Variants in ZBP1 observed in about 807,000 individuals in gnomAD.
ZBP1 encodes Z-DNA binding protein 1.
Under a neutral mutation model 41.1 loss-of-function variants are expected in ZBP1, and 42 were observed. That is an observed-to-expected ratio of 1.02 (90% CI 0.80 to 1.32). ZBP1 has a LOEUF of 1.32. Among genes scored for constraint, ZBP1 ranks in the 40% most tolerant of loss-of-function variants. The pLI, the probability that ZBP1 is intolerant of heterozygous loss-of-function variation, is 0.00. For missense variants in ZBP1, 562 were observed against 549.7 expected, an observed-to-expected ratio of 1.02 and a Z score of -0.22; for synonymous variants, 214 against 205.2, an observed-to-expected ratio of 1.04 and a Z score of -0.37.
Position 57,615,534 on chromosome 20 carries a change from G to C in ZBP1, c.306C>G (p.Gly102=), listed in dbSNP as rs768967507. ...TACCCCGTTGTTGGCTGAACTGAGG[G>C]CCAGGGGTCTCTGGAATTGTAGCTG... ...QHAATIPETP[G]PQFSQQREED... is the part of the protein sequence containing the mutation. The change falls in exon 3 of 8, where the codon GGC becomes GGG. Residue 102 remains glycine, a synonymous_variant. Coordinates refer to ENST00000371173, the MANE Select transcript of ZBP1 (RefSeq NM_030776.3). 2 of 1,613,420 alleles carry C rather than the reference G, an allele frequency of 1.2e-6. No homozygotes were observed.
intron 2 of ZBP1, chr20:57,615,790 C>A: frequency 1.8e-6 from 1 of 560,278 alleles, no homozygotes; most frequent in Non-Finnish European, 3.1e-6. Flanking sequence ...GCTCAGCCTC[C>A]TTTGCCTCCT....
intron 1 of ZBP1, 129 bp downstream of exon 1, chr20:57,620,133 G>A (rs1276901913): frequency 1.7e-6 from 2 of 1,168,498 alleles, no homozygotes; most frequent in Non-Finnish European, 2.5e-6. Flanking sequence ...ACCACGCCCA[G>A]CTGGTCTACT....
At position 57,613,210 on chromosome 20, in the gene ZBP1, A is replaced by T; in HGVS notation, c.623T>A (p.Ile208Asn). The T allele has an allele frequency of 6.2e-7, 1 of 1,614,214 alleles. No individual in the cohort carries two copies. The highest frequency in any genetic ancestry group is 8.5e-7 in the Non-Finnish European group (1 of 1,180,046). The change falls in exon 5 of 8, where the codon ATT (isoleucine) becomes AAT (asparagine). Residue 208 changes from isoleucine (I) to asparagine (N), a missense_variant. Coordinates refer to ENST00000371173, the MANE Select transcript of ZBP1 (RefSeq NM_030776.3). The surrounding 1 kb of genome is among the most constrained non-coding windows in gnomAD (Gnocchi z 4.5). ...ISIANSEAIQ[I>N]GHGNIITRQT... Reference sequence around the variant, plus strand: ...TCTTGTAATGATGTTCCCGTGTCCAATCTGGATGGCTTCGGAGTTTGCAAT... The same window carrying T: ...TCTTGTAATGATGTTCCCGTGTCCATTCTGGATGGCTTCGGAGTTTGCAAT...
At chr20:57,608,863 G>A (rs1047253056) in intron 7 of ZBP1, among the ~76,000 whole-genome samples, 3 of 152,244 alleles carry the variant, frequency 2.0e-5, no homozygotes, top group Admixed American at 6.5e-5. Context: ...GGTGGATGCC[G>A]GCCAGTCCTC....
intron 6 of ZBP1, among the ~76,000 whole-genome samples, chr20:57,611,384 A>ACAGG (rs1157418040): frequency 1.4e-5 from 2 of 147,452 alleles, no homozygotes; most frequent in Non-Finnish European, 3.0e-5. Flanking sequence ...GGCTAGGACT[A>ACAGG]CAGGCGCAAG....
Position 57,613,280 on chromosome 20 carries a change from G to C in ZBP1, c.553C>G (p.Pro185Ala). 1 of 1,614,232 alleles carries C rather than the reference G, an allele frequency of 6.2e-7. No homozygotes were observed. The highest frequency in any genetic ancestry group is 8.5e-7 in the Non-Finnish European group (1 of 1,180,048). The change falls in exon 5 of 8, where the codon CCA becomes GCA. Residue 185 changes from proline (P) to alanine (A), a missense_variant. Pro to Ala is a conservative substitution (Grantham distance 27). Transcript: ENST00000371173. The surrounding 1 kb of genome is among the most constrained non-coding windows in gnomAD (Gnocchi z 4.5). ...KSASIIYQHN[P>A]INMICQNGPN... ...CCATTCTGGCAGATCATGTTGATTG[G>C]ATTGTGCTGGTAAATAATTGAGGCT...
chr20:57,620,275 G>A lies in ZBP1; in HGVS notation c.21C>T (p.Asp7=). The part of the protein sequence containing the change: MAQAPA[D]PGREGHLEQR... The stretch of plus-strand genomic sequence containing the variant: ...GAAGTACTGTACCTTCTCTGCCCGG[G>A]TCAGCAGGAGCCTGGGCCATGCTGA... Residue 7 remains aspartate (D), a synonymous_variant, in exon 1 of 8, where the codon GAC becomes GAT. Coordinates refer to ENST00000371173, the MANE Select transcript of ZBP1 (RefSeq NM_030776.3). 1 of 1,596,688 alleles carries A rather than the reference G, an allele frequency of 6.3e-7. No individual in the cohort carries two copies. Among genetic ancestry groups the A allele is most frequent in the South Asian group, 1.1e-5 (1 of 88,000 alleles).
chr20:57,605,106 A>C lies in ZBP1; in HGVS notation c.1094-337T>G, dbSNP rs571154593. On this transcript the variant is annotated intron_variant, in intron 7 of 7. Transcript: ENST00000371173. ...ACAGTCTCTGATTAGCAATTTCCTC[A>C]AACAAAACAAAACAAAACAAAACAA... 2.2e-3 allele frequency among the ~76,000 whole-genome samples: 152 copies of C among 68,014 alleles called. 1 individual carries two copies. The highest frequency in any genetic ancestry group is 5.3e-3 in the African/African-American group (143 of 27,126). The allele number at this position is 68,014 out of a possible 152,430, so 44.6% of individuals were successfully genotyped here.
chr20:57,611,378 A>G (rs2070662558), intron 6 of ZBP1, among the ~76,000 whole-genome samples: 1 of 147,496 alleles, frequency 6.8e-6, no homozygotes, highest in African/African-American at 2.5e-5. Flanking sequence ...CCGAGTGGCT[A>G]GGACTACAGG....
chr20:57,615,159 G>T, intron 3 of ZBP1, 99 bp from the exon 4 acceptor site: 6 of 1,343,578 alleles, frequency 4.5e-6, no homozygotes, highest in South Asian at 1.3e-5. Flanking sequence ...GCCCCTCAAG[G>T]CCTGGTTTCC....
At chr20:57,608,127 A>T (rs1600725689) in intron 7 of ZBP1, among the ~76,000 whole-genome samples, 2 of 146,608 alleles carry the variant, frequency 1.4e-5, no homozygotes, top group South Asian at 2.2e-4. Flanking sequence ...GAGTGTGACC[A>T]TTTTTTTTTT....
rs573141830 is a variant in ZBP1, at chr20:57,620,237, T to C, written c.34+25A>G. On this transcript the variant is annotated intron_variant, in intron 1 of 7. Transcript: ENST00000371173. Reference sequence around the variant, plus strand: ...ATCTCACCCCGGGAGCTACCGCTGGTCCTTGGAAGGAAGAAGTACTGTACC... The same window carrying C: ...ATCTCACCCCGGGAGCTACCGCTGGCCCTTGGAAGGAAGAAGTACTGTACC... The C allele has an allele frequency of 7.6e-6, 12 of 1,576,380 alleles. No individual in the cohort carries two copies. The African/African-American group carries it at 1.6e-4, about 21-fold the overall frequency.
At chr20:57,605,124 CA>C (rs2070463331) in intron 7 of ZBP1, among the ~76,000 whole-genome samples, 1 of 152,036 alleles carries the variant, frequency 6.6e-6, no homozygotes, top group Non-Finnish European at 1.5e-5. Flanking sequence ...CAAAACAAAA[CA>C]AAACAAAACA....
At chr20:57,616,054 C>T in intron 2 of ZBP1, 190 bp downstream of exon 2, 1 of 631,092 alleles carries the variant, frequency 1.6e-6, no homozygotes, top group East Asian at 2.7e-5. Flanking sequence ...GGCCTCCTCT[C>T]AGCAACCCCT....
chr20:57,617,323 T>C (rs1159613764), intron 1 of ZBP1: 1 of 152,594 alleles, frequency 6.6e-6, no homozygotes, highest in Non-Finnish European at 1.5e-5. Context: ...CCAACCTGTA[T>C]GATGTCTACT....
In ZBP1 at chr20:57,614,954, G is replaced by A. The variant is rs1453023082; in HGVS notation, c.435C>T (p.Tyr145=). 2 of 1,614,080 alleles carry A rather than the reference G, an allele frequency of 1.2e-6. No homozygotes were observed. Among genetic ancestry groups the A allele is most frequent in the Non-Finnish European group, 1.7e-6 (2 of 1,180,056 alleles). The change falls in exon 4 of 8, where the codon TAC becomes TAT. Residue 145 remains tyrosine (Y), a synonymous_variant. Coordinates refer to ENST00000371173, the MANE Select transcript of ZBP1 (RefSeq NM_030776.3). ...CCAGAAGGTGCCTGCTCTTCATCCT[G>A]TACAAGTCTCGGTTCACATCTTTTG... The part of the protein sequence containing the change: ...RTAKDVNRDL[Y]RMKSRHLLDM...
Position 57,611,792 on chromosome 20 carries a change from TTGC to T in ZBP1, c.806_808del (p.Ser269del). The T allele has an allele frequency of 1.2e-6, 2 of 1,612,882 alleles. No homozygotes were observed. Among genetic ancestry groups the T allele is most frequent in the Non-Finnish European group, 8.5e-7 (1 of 1,179,680 alleles). The stretch of plus-strand genomic sequence containing the variant: ...CGGGACGCCGTGGAGCCTCATCTCA[TTGC>T]TGTGTCCCAGCTGCACCCGTCTCAG... On this transcript the variant is annotated inframe_deletion, in exon 6 of 8. Transcript: ENST00000371173.
intron 7 of ZBP1, among the ~76,000 whole-genome samples, chr20:57,609,832 G>T (rs1333335533): frequency 6.6e-6 from 1 of 152,176 alleles, no homozygotes; most frequent in African/African-American, 2.4e-5. Flanking sequence ...GGCTGGTGTA[G>T]GGCTGAGCTT....
intron 7 of ZBP1, among the ~76,000 whole-genome samples, chr20:57,605,815 T>A (rs1263257890): frequency 6.6e-6 from 1 of 152,108 alleles, no homozygotes; most frequent in Non-Finnish European, 1.5e-5. Context: ...AGGTCTGTAA[T>A]CACAGCGACC....
Sources: gnomAD v4.1 joint callset for allele counts (sites outside exome capture counted in the v4.1 genomes callset) on GRCh38, gnomAD v4.1.1 for gene constraint, Gnocchi (gnomAD v3.1) non-coding constraint, MANE v1.5 for transcripts, NCBI Gene and HGNC (gene_info 2026-07-23, HGNC 2026-07-21) for gene names.